GINS2: variants seen among roughly 807,000 people sequenced by gnomAD.
GINS2 encodes the protein GINS complex subunit 2.
Under a neutral mutation model 21.2 loss-of-function variants are expected in GINS2, and 23 were observed. The observed-to-expected ratio is 1.08, with a 90% CI of 0.78 to 1.53. The LOEUF is 1.53. GINS2 is among the 40% of genes most tolerant of loss of function. GINS2 has a pLI of 0.00. For missense variants in GINS2, 323 were observed against 233.9 expected (o/e 1.38, Z -2.49); for synonymous variants, 118 against 85.6 (o/e 1.38, Z -2.09).
chr16:85,679,048 C>T (rs2053710551), intron 3 of GINS2, among the ~76,000 whole-genome samples: 1 of 152,184 alleles, frequency 6.6e-6, no homozygotes, highest in African/African-American at 2.4e-5. Context: ...TCTATTGCTC[C>T]TCATTTACAG....
chr16:85,687,390 C>T (rs894900166), intron 2 of GINS2, 70 bp downstream of exon 2: 1 of 841,538 alleles, frequency 1.2e-6, no homozygotes, highest in Non-Finnish European at 1.8e-6. Flanking sequence ...ATGCCTCCAC[C>T]CCGTGGGAGA....
rs1333300824 is a variant in GINS2 at position 85,677,646 on chromosome 16, G to A, written c.*566C>T. 2.0e-5 allele frequency: 3 copies of A among 152,328 alleles called. No homozygotes were observed. The highest frequency in any genetic ancestry group is 2.9e-5 in the Non-Finnish European group (2 of 68,178). The allele number at this position is 152,328 out of a possible 1,614,324, so 9.4% of individuals were successfully genotyped here. On this transcript the variant is annotated 3_prime_UTR_variant, in exon 5 of 5. Transcript: ENST00000253462. ...CTCAGTCCTTTTACTTGGTAGTTAC[G>A]CAGCACAAAAACCTAGAGAGTCAGA...
chr16:85,678,727 T>G, intron 3 of GINS2, 61 bp from the exon 4 acceptor site: 1 of 1,539,362 alleles, frequency 6.5e-7, no homozygotes. Flanking sequence ...CAATGCTGGA[T>G]AGAGTGGCTC....
chr16:85,681,244 T>A (rs1158123692), intron 3 of GINS2, among the ~76,000 whole-genome samples: 3 of 152,262 alleles, frequency 2.0e-5, no homozygotes, highest in African/African-American at 7.2e-5. Flanking sequence ...TACTGCCGAT[T>A]CTGTGAGATG....
In GINS2 at chr16:85,678,346, A is replaced by G. The variant is rs2053702827; in HGVS notation, c.433-9T>C. The G allele has an allele frequency of 6.2e-7, 1 of 1,613,782 alleles. No homozygotes were observed. Among genetic ancestry groups the G allele is most frequent in the South Asian group, 1.1e-5 (1 of 91,000 alleles). On this transcript the variant is annotated splice_polypyrimidine_tract_variant and intron_variant, in intron 4 of 4. Coordinates refer to ENST00000253462, the MANE Select transcript of GINS2 (RefSeq NM_016095.3). ...AAGGTCAAGTTATCCAGCTAAAGCA[A>G]GAAAACAGACCAAGTTGGCCAAGGA...
intron 2 of GINS2, among the ~76,000 whole-genome samples, chr16:85,684,135 G>C (rs1325447203): frequency 6.6e-6 from 1 of 152,156 alleles, no homozygotes; most frequent in Non-Finnish European, 1.5e-5. Context: ...GGAAGCCCCG[G>C]AGTTCAAAAC....
chr16:85,678,077 A>G lies in GINS2; in HGVS notation c.*135T>C. 1.3e-6 allele frequency: 1 copy of G among 761,076 alleles called. No individual in the cohort carries two copies. The highest frequency in any genetic ancestry group is 4.0e-4 in the Middle Eastern group (1 of 2,486). 47.1% of individuals were successfully genotyped at this position (761,076 alleles called of 1,614,324 possible). ...ATCACAAACTTGTTTCTCCAACAACATCCTGAATCCATTCCTTGCACCATC... is the reference window on the plus strand; with the variant it reads ...ATCACAAACTTGTTTCTCCAACAACGTCCTGAATCCATTCCTTGCACCATC... On this transcript the variant is annotated 3_prime_UTR_variant, in exon 5 of 5. Transcript: ENST00000253462.
chr16:85,682,335 T>C lies in GINS2; in HGVS notation c.206-654A>G, dbSNP rs1002220516. Among the ~76,000 whole-genome samples the C allele has an allele frequency of 2.6e-5, 4 of 152,156 alleles. No homozygotes were observed. The East Asian group carries it at 7.7e-4, about 29-fold the overall frequency. On this transcript the variant is annotated intron_variant, in intron 2 of 4. Transcript: ENST00000253462. ...AGTATTAGACCTTTGATGCAATAAG[T>C]GATCAAACTAGTCAGTGACTTAAAT...
chr16:85,680,877 G>A (rs547428809), intron 3 of GINS2, among the ~76,000 whole-genome samples: 2 of 152,308 alleles, frequency 1.3e-5, no homozygotes, highest in African/African-American at 4.8e-5. Context: ...GAGGGAGGAG[G>A]AGCACGCACT....
intron 3 of GINS2, among the ~76,000 whole-genome samples, chr16:85,680,818 G>C (rs2053725931): frequency 6.6e-6 from 1 of 152,210 alleles, no homozygotes; most frequent in African/African-American, 2.4e-5. Context: ...GGGCCAGTGT[G>C]AGCCTGAGCC....
At position 85,687,340 on chromosome 16, in the gene GINS2, G is replaced by A. The variant is rs554809634; in HGVS notation, c.205+120C>T. 116 of 568,842 alleles carry A rather than the reference G, an allele frequency of 2.0e-4. No individual in the cohort carries two copies. In the East Asian group the frequency reaches 2.8e-3, roughly 14 times the overall value. 35.2% of individuals were successfully genotyped at this position (568,842 alleles called of 1,614,324 possible). ...TCCTTTCAGCTGATCAGTAGATAAC[G>A]GAACAGAGGGAGCACGGACCTAGTC... On this transcript the variant is annotated intron_variant, in intron 2 of 4. Coordinates refer to ENST00000253462, the MANE Select transcript of GINS2 (RefSeq NM_016095.3).
Position 85,678,206 on chromosome 16 carries a change from C to CT in GINS2, c.*5dup. ...CCCCAGCAAGCCGCCTGCACCAGGC[C>CT]TTTCTCTAGAAGTCCTGAGACTGAG... is the stretch of plus-strand genomic sequence containing the variant. On this transcript the variant is annotated 3_prime_UTR_variant, in exon 5 of 5. Transcript: ENST00000253462. 1.2e-6 allele frequency: 2 copies of CT among 1,612,846 alleles called. No homozygotes were observed. Among genetic ancestry groups the CT allele is most frequent in the Admixed American group, 1.7e-5 (1 of 59,926 alleles).
chr16:85,688,002 G>C (rs114234383), intron 1 of GINS2: 45 of 154,914 alleles, frequency 2.9e-4, no homozygotes, highest in Admixed American at 7.2e-4. Flanking sequence ...GGGCGGGCGC[G>C]GGGGCTCACA....
chr16:85,680,230 ATGAAATTCATGGGC>A (rs1366124225), intron 3 of GINS2, among the ~76,000 whole-genome samples: 1 of 152,172 alleles, frequency 6.6e-6, no homozygotes, highest in Non-Finnish European at 1.5e-5. Flanking sequence ...TCAGCTTTTT[ATGAAATTCATGGGC>A]TGACTGCAGC....
chr16:85,678,276 T>C lies in GINS2; in HGVS notation c.494A>G (p.Asn165Ser). The change falls in exon 5 of 5, where the codon AAC becomes AGC. Residue 165 changes from asparagine to serine, a missense_variant. By Grantham distance (46) the Asn-to-Ser change is conservative. Coordinates refer to ENST00000253462, the MANE Select transcript of GINS2 (RefSeq NM_016095.3). Reference sequence around the variant, plus strand: ...GTTCGTGCGGAGTTTGTACATGTGGTTGAGCGCTTGTGTGAGGAAAGTCCC... The same window carrying C: ...GTTCGTGCGGAGTTTGTACATGTGGCTGAGCGCTTGTGTGAGGAAAGTCCC... ...TSGTFLTQAL[N>S]HMYKLRTNLQ... 1 of 1,612,892 alleles carries C rather than the reference T, an allele frequency of 6.2e-7. No individual in the cohort carries two copies. The highest frequency in any genetic ancestry group is 8.5e-7 in the Non-Finnish European group (1 of 1,178,874).
intron 2 of GINS2, among the ~76,000 whole-genome samples, chr16:85,686,062 T>G (rs2053774684): frequency 6.6e-6 from 1 of 152,216 alleles, no homozygotes; most frequent in African/African-American, 2.4e-5. Context: ...AGAAAAAGAT[T>G]TCAAAGGCTC....
At chr16:85,682,269 C>A (rs975189327) in intron 2 of GINS2, among the ~76,000 whole-genome samples, 10 of 152,118 alleles carry the variant, frequency 6.6e-5, no homozygotes, top group African/African-American at 2.4e-4. Flanking sequence ...CCTGCCTCAG[C>A]TTCTCGAAGT....
intron 2 of GINS2, among the ~76,000 whole-genome samples, chr16:85,686,947 T>C (rs1406089890): frequency 6.6e-6 from 1 of 152,276 alleles, no homozygotes; most frequent in Non-Finnish European, 1.5e-5. Flanking sequence ...AAATATAGGC[T>C]GGGCACAGTG....
intron 3 of GINS2, among the ~76,000 whole-genome samples, chr16:85,680,459 C>A (rs1420869353): frequency 6.6e-6 from 1 of 152,136 alleles, no homozygotes; most frequent in African/African-American, 2.4e-5. Flanking sequence ...GTACAAATGA[C>A]ATTCTAAGTA....
Sources: allele counts gnomAD v4.1 joint callset (sites outside exome capture counted in the v4.1 genomes callset), GRCh38; gene constraint gnomAD v4.1.1; transcripts MANE v1.5; gene names NCBI Gene and HGNC (gene_info 2026-07-23, HGNC 2026-07-21).